DOCK8: variants seen among roughly 807,000 people sequenced by gnomAD.
DOCK8 encodes dedicator of cytokinesis protein 8.
Under a neutral mutation model 245.6 loss-of-function variants are expected in DOCK8, and 141 were observed. That is an observed-to-expected ratio of 0.57 (90% CI 0.50 to 0.66). DOCK8 has a LOEUF of 0.66. Ranked by LOEUF, DOCK8 falls within the 30% of genes least tolerant of loss-of-function variation. The probability of loss-of-function intolerance (pLI) is 0.00; values close to 1 mark genes in which losing one functional copy is unlikely to be tolerated. For missense variants in DOCK8, 2,965 were observed against 2,603.4 expected, an observed-to-expected ratio of 1.14 and a Z score of -3.02; for synonymous variants, 1,168 against 970.2, an observed-to-expected ratio of 1.20 and a Z score of -3.79.
intron 14 of DOCK8, among the ~76,000 whole-genome samples, chr9:352,244 C>T (rs2052206388): frequency 6.6e-6 from 1 of 152,178 alleles, no homozygotes; most frequent in Non-Finnish European, 1.5e-5. Flanking sequence ...CTGATTGTTA[C>T]AGGAGCCATG....
At chr9:214,765 G>T, upstream of DOCK8, 1 of 1,539,866 alleles carries the variant, frequency 6.5e-7, no homozygotes, top group Non-Finnish European at 8.7e-7. Flanking sequence ...TGCGCGCCAG[G>T]CCGGGTGGCG....
At chr9:315,737 G>A (rs536271998) in intron 6 of DOCK8, among the ~76,000 whole-genome samples, 2 of 152,202 alleles carry the variant, frequency 1.3e-5, no homozygotes, top group East Asian at 1.9e-4. Context: ...ATGGGTGAAT[G>A]GTTCTTCATT....
At chr9:450,195 C>T (rs549749505) in intron 45 of DOCK8, among the ~76,000 whole-genome samples, 21 of 152,286 alleles carry the variant, frequency 1.4e-4, no homozygotes, top group African/African-American at 5.1e-4. Flanking sequence ...GGAGTCTCCA[C>T]TTCGGGGCCA....
chr9:316,345 G>T (rs1489489322), intron 6 of DOCK8, among the ~76,000 whole-genome samples: 1 of 152,190 alleles, frequency 6.6e-6, no homozygotes, highest in East Asian at 1.9e-4. Context: ...TAGAATGATA[G>T]TTCAGATACA....
rs184727169 is a variant in DOCK8 at position 464,414 on chromosome 9, G to T, written c.*195G>T. On this transcript the variant is annotated 3_prime_UTR_variant, in exon 48 of 48. Coordinates refer to ENST00000432829, the MANE Select transcript of DOCK8 (RefSeq NM_203447.4). ...ACTCTGACCAGATTTTTGCCATACTGGGGGGTGGCGGGATGGAGGATGGGT... is the reference window on the plus strand; with the variant it reads ...ACTCTGACCAGATTTTTGCCATACTTGGGGGTGGCGGGATGGAGGATGGGT... 11 of 642,130 alleles carry T rather than the reference G, an allele frequency of 1.7e-5. No homozygotes were observed. The Admixed American group carries it at 2.7e-4, about 16-fold the overall frequency. 39.8% of individuals were successfully genotyped at this position (642,130 alleles called of 1,614,324 possible). A position where few individuals can be genotyped will look rare whatever the true frequency, so the allele number is the denominator to read the frequency against.
In DOCK8 at chr9:377,214, A is replaced by G; in HGVS notation, c.2440+3A>G. On this transcript the variant is annotated splice_donor_region_variant and intron_variant, in intron 20 of 47. Coordinates refer to ENST00000432829, the MANE Select transcript of DOCK8 (RefSeq NM_203447.4). ...CATGGTCATCGCTGGCCAGACAGGT[A>G]TGAACCTGCAGGGCTGGGCTGGGAG... 2 of 1,580,948 alleles carry G rather than the reference A, an allele frequency of 1.3e-6. No individual in the cohort carries two copies. The highest frequency in any genetic ancestry group is 1.7e-6 in the Non-Finnish European group (2 of 1,169,244).
intron 1 of DOCK8, among the ~76,000 whole-genome samples, chr9:229,229 C>T (rs1158239952): frequency 1.3e-5 from 2 of 152,132 alleles, no homozygotes; most frequent in Non-Finnish European, 2.9e-5. Flanking sequence ...TATCCCGTTT[C>T]AGATTTCAGA....
chr9:372,388 A>G lies in DOCK8; in HGVS notation c.2109+102A>G, dbSNP rs962540130. On this transcript the variant is annotated intron_variant, in intron 18 of 47. Transcript: ENST00000432829. ...TCCCATGTGGCCATGGATGTTCATC[A>G]TGTTCTCAGAGAGCACATTGTTCTG... is the stretch of plus-strand genomic sequence containing the variant. 44 of 928,618 alleles carry G rather than the reference A, an allele frequency of 4.7e-5. No individual in the cohort carries two copies. The African/African-American group carries it at 5.0e-4, about 11-fold the overall frequency. The allele number at this position is 928,618 out of a possible 1,614,324, so 57.5% of individuals were successfully genotyped here. A position where few individuals can be genotyped will look rare whatever the true frequency, so the allele number is the denominator to read the frequency against.
At chr9:307,063 G>A (rs72701272) in intron 5 of DOCK8, among the ~76,000 whole-genome samples, 204 of 152,254 alleles carry the variant, frequency 1.3e-3, no homozygotes, top group Non-Finnish European at 2.4e-3. Flanking sequence ...CTGTCACTAC[G>A]AAGGTGAGAG....
At chr9:282,469 A>T in intron 2 of DOCK8, among the ~76,000 whole-genome samples, 1 of 138,148 alleles carries the variant, frequency 7.2e-6, no homozygotes. Context: ...CTCAGGCTGG[A>T]GTGCAGTGAT....
chr9:293,052 G>A (rs2049110103), intron 4 of DOCK8, among the ~76,000 whole-genome samples: 1 of 152,112 alleles, frequency 6.6e-6, no homozygotes, highest in Admixed American at 6.6e-5. Context: ...AACATTCTAG[G>A]GATGGGATTA....
chr9:333,835 G>C (rs894056310), intron 10 of DOCK8, among the ~76,000 whole-genome samples: 2 of 152,052 alleles, frequency 1.3e-5, no homozygotes, highest in Admixed American at 6.6e-5. Context: ...TGGAGAAACA[G>C]GTTCACTTGG....
chr9:433,069 G>A (rs1029745040), intron 37 of DOCK8, among the ~76,000 whole-genome samples: 9 of 152,134 alleles, frequency 5.9e-5, no homozygotes, highest in African/African-American at 1.9e-4. Flanking sequence ...TTGCCCTCTC[G>A]GGCAATGTTG....
At chr9:341,649 A>G (rs1294201169) in intron 14 of DOCK8, among the ~76,000 whole-genome samples, 3 of 152,164 alleles carry the variant, frequency 2.0e-5, no homozygotes, top group Admixed American at 6.5e-5. Context: ...GTGAACGCTC[A>G]ATGGCATTAT....
intron 1 of DOCK8, among the ~76,000 whole-genome samples, chr9:263,014 C>G (rs1417070128): frequency 6.6e-6 from 1 of 152,162 alleles, no homozygotes; most frequent in Non-Finnish European, 1.5e-5. Flanking sequence ...GAAGACCAGC[C>G]TAGCCAACGT....
intron 1 of DOCK8, among the ~76,000 whole-genome samples, chr9:219,880 G>C (rs895482044): frequency 6.6e-6 from 1 of 152,210 alleles, no homozygotes; most frequent in African/African-American, 2.4e-5. Context: ...CTGAGTGACA[G>C]AGCGAGACTC....
At chr9:266,902 A>C (rs1191337939) in intron 1 of DOCK8, among the ~76,000 whole-genome samples, 1 of 152,230 alleles carries the variant, frequency 6.6e-6, no homozygotes, top group East Asian at 1.9e-4. Context: ...TATCTTGGAC[A>C]TGTCAAATTT....
intron 2 of DOCK8, among the ~76,000 whole-genome samples, chr9:285,559 G>A (rs1165657524): frequency 1.3e-5 from 2 of 152,056 alleles, no homozygotes; most frequent in Admixed American, 6.6e-5. Flanking sequence ...AAATCTACTT[G>A]ATCTAAGGGA....
intron 21 of DOCK8, among the ~76,000 whole-genome samples, chr9:382,181 A>C (rs78804693): frequency 0.025 from 3,753 of 152,274 alleles, 74 homozygotes; most frequent in Non-Finnish European, 0.039. Context: ...CCACATTTTT[A>C]GCTTCTCATG....
Sources: allele counts gnomAD v4.1 joint callset (sites outside exome capture counted in the v4.1 genomes callset), GRCh38; gene constraint gnomAD v4.1.1; transcripts MANE v1.5; gene names NCBI Gene and HGNC (gene_info 2026-07-23, HGNC 2026-07-21).